The following SCUBE1 variants were observed in gnomAD, a reference collection of about 807,000 sequenced individuals.
The protein encoded by SCUBE1 is signal peptide, CUB domain and EGF like domain containing 1.
In SCUBE1, 59 loss-of-function variants were observed where a neutral mutation model predicts 124.4. That is an observed-to-expected ratio of 0.47 (90% confidence interval 0.38 to 0.59). The LOEUF is 0.59. SCUBE1 is among the 20% of genes least tolerant of loss of function. The probability of loss-of-function intolerance (pLI) is 0.00; values close to 1 mark genes in which losing one functional copy is unlikely to be tolerated. For missense variants in SCUBE1, 1,150 were observed against 1,371.2 expected (o/e 0.84, Z 2.55); for synonymous variants, 545 against 550.9 (o/e 0.99, Z 0.15).
Position 43,220,527 on chromosome 22 carries a change from C to A in SCUBE1, c.1610G>T (p.Gly537Val), listed in dbSNP as rs200425457. The A allele has an allele frequency of 2.5e-4, 410 of 1,614,122 alleles. No homozygotes were observed. The highest frequency in any genetic ancestry group is 3.3e-4 in the Non-Finnish European group (392 of 1,180,016). The change falls in exon 14 of 22, where the codon GGC becomes GTC. Residue 537 changes from glycine to valine, a missense_variant. Transcript: ENST00000360835. ...KCDSSKKRRRGRKSPSKEVSH... is the reference protein window; with the variant it reads ...KCDSSKKRRRVRKSPSKEVSH... ...CACCTCCTTGGATGGGGACTTGCGG[C>A]CACGGCGCCTCTTCTTGGAGGAGTC...
At chr22:43,329,868 A>G (rs531838698) in intron 2 of SCUBE1, among the ~76,000 whole-genome samples, 4 of 152,322 alleles carry the variant, frequency 2.6e-5, no homozygotes, top group African/African-American at 4.8e-5. Flanking sequence ...TTTCTTAGAA[A>G]TAATGGTTTT....
intron 3 of SCUBE1, among the ~76,000 whole-genome samples, chr22:43,295,099 C>T (rs1423728128): frequency 3.9e-5 from 6 of 152,168 alleles, no homozygotes; most frequent in East Asian, 1.9e-4. Flanking sequence ...CCTCTCCTCC[C>T]GCAGGATTCA....
intron 2 of SCUBE1, among the ~76,000 whole-genome samples, chr22:43,328,389 C>T (rs148959203): frequency 6.6e-6 from 1 of 152,302 alleles, no homozygotes; most frequent in African/African-American, 2.4e-5. Flanking sequence ...CAGTCATTCC[C>T]CCATCCCCTT....
intron 3 of SCUBE1, among the ~76,000 whole-genome samples, chr22:43,300,486 T>C (rs1468511362): frequency 6.6e-6 from 1 of 152,030 alleles, no homozygotes; most frequent in Non-Finnish European, 1.5e-5. Flanking sequence ...CTATGCTGTC[T>C]GTGGGGAGAC....
At chr22:43,271,959 G>A (rs368021989) in intron 4 of SCUBE1, among the ~76,000 whole-genome samples, 122 of 152,180 alleles carry the variant, frequency 8.0e-4, no homozygotes, top group African/African-American at 2.5e-3. Flanking sequence ...GAGACTTGCC[G>A]CCCCAGGTCT....
At chr22:43,261,673 A>T (rs1444198416) in intron 5 of SCUBE1, among the ~76,000 whole-genome samples, 1 of 152,194 alleles carries the variant, frequency 6.6e-6, no homozygotes, top group Non-Finnish European at 1.5e-5. Context: ...TCTCATTTCC[A>T]CAGCTAGGGT....
chr22:43,256,295 AGAG>A (rs1601833907), intron 6 of SCUBE1, among the ~76,000 whole-genome samples: 1 of 152,226 alleles, frequency 6.6e-6, no homozygotes, highest in Non-Finnish European at 1.5e-5. Context: ...AGGAGCATGC[AGAG>A]GAGAAGTGGC....
rs780187827 is a variant in SCUBE1, at chr22:43,210,070, C to T, written c.2554G>A (p.Gly852Ser). The change falls in exon 19 of 22, where the codon GGC (glycine) becomes AGC (serine). Residue 852 changes from glycine (G) to serine (S), a missense_variant. Physicochemically the swap from Gly to Ser is moderately conservative, Grantham distance 56. Around this residue, in one of 3 missense-constraint regions of SCUBE1, gnomAD observed 757 missense variants for 840.9 expected, o/e 0.90. Transcript: ENST00000360835. The surrounding 1 kb of genome is among the most constrained non-coding windows in gnomAD (Gnocchi z 4.5). ...CTCTTCCTCATGACCAGAACATCGC[C>T]GCACTCATCCTCGATGGGCAGGAAG... ...EIFLPIEDEC[G>S]DVLVMRKSAS... 2.8e-5 allele frequency: 45 copies of T among 1,611,976 alleles called. No homozygotes were observed. The highest frequency in any genetic ancestry group is 3.3e-4 in the Middle Eastern group (2 of 6,076).
intron 12 of SCUBE1, among the ~76,000 whole-genome samples, chr22:43,221,833 GCAGGCGGAT>G (rs1309999993): frequency 2.0e-5 from 3 of 152,186 alleles, no homozygotes; most frequent in Non-Finnish European, 4.4e-5. Context: ...GGAGGCCGAG[GCAGGCGGAT>G]CACTTGAGGT....
chr22:43,250,509 C>T (rs1164568173), intron 6 of SCUBE1, among the ~76,000 whole-genome samples: 1 of 152,212 alleles, frequency 6.6e-6, no homozygotes, highest in Admixed American at 6.5e-5. Context: ...TCACTCCTGG[C>T]CAGATCCAGA....
At chr22:43,287,387 C>T (rs940654636) in intron 4 of SCUBE1, among the ~76,000 whole-genome samples, 3 of 152,258 alleles carry the variant, frequency 2.0e-5, no homozygotes, top group African/African-American at 4.8e-5. Context: ...GCCCTTTTTA[C>T]AGCTGAAAAG....
chr22:43,308,917 A>G (rs1293174533), intron 3 of SCUBE1, among the ~76,000 whole-genome samples: 12 of 152,256 alleles, frequency 7.9e-5, no homozygotes, highest in Non-Finnish European at 1.3e-4. Context: ...AAGTTACAAA[A>G]TAAGAACACA....
intron 3 of SCUBE1, among the ~76,000 whole-genome samples, chr22:43,302,430 C>CT (rs1296792255): frequency 6.6e-6 from 1 of 152,222 alleles, no homozygotes; most frequent in Non-Finnish European, 1.5e-5. Flanking sequence ...ATTTCACTCA[C>CT]TTTGCTAGAC....
At position 43,298,869 on chromosome 22, in the gene SCUBE1, G is replaced by A. The variant is rs1168794092; in HGVS notation, c.350-7689C>T. ...AGATCAAGACCATCCTGGCTAACAC[G>A]GTGAAACCCTGTCTCTACTAAAAAT... On this transcript the variant is annotated intron_variant, in intron 3 of 21. Transcript: ENST00000360835. Among the ~76,000 whole-genome samples, 24 of 152,068 alleles carry A rather than the reference G, an allele frequency of 1.6e-4. No individual in the cohort carries two copies. The East Asian group carries it at 3.3e-3, about 21-fold the overall frequency.
In SCUBE1 at chr22:43,255,991, G is replaced by A. The variant is rs1229379608; in HGVS notation, c.727+2228C>T. ...AGACCCCCGTGGCTCAGGCTGGAGAGGCAGGCACAGGACAAGGCACAGGAC... is the reference window on the plus strand; with the variant it reads ...AGACCCCCGTGGCTCAGGCTGGAGAAGCAGGCACAGGACAAGGCACAGGAC... On this transcript the variant is annotated intron_variant, in intron 6 of 21. Coordinates refer to ENST00000360835, the MANE Select transcript of SCUBE1 (RefSeq NM_173050.5). This position sits in a 1 kb window ranked among gnomAD's most constrained non-coding sequence, Gnocchi z 4.7. Among the ~76,000 whole-genome samples, 1 of 152,210 alleles carries A rather than the reference G, an allele frequency of 6.6e-6. No homozygotes were observed. The highest frequency in any genetic ancestry group is 1.9e-4 in the East Asian group (1 of 5,188).
At chr22:43,320,107 G>A (rs1246565425) in intron 2 of SCUBE1, 42 bp from the exon 3 acceptor site, 6 of 1,611,106 alleles carry the variant, frequency 3.7e-6, no homozygotes, top group Non-Finnish European at 5.1e-6. Flanking sequence ...AGAAGAGCCT[G>A]GTGGTCCCCT....
At chr22:43,317,432 G>A (rs1162430829) in intron 3 of SCUBE1, among the ~76,000 whole-genome samples, 1 of 152,170 alleles carries the variant, frequency 6.6e-6, no homozygotes, top group African/African-American at 2.4e-5. Context: ...CCTGTGCCGA[G>A]CCTTTTTCTC....
At chr22:43,256,911 C>A (rs968522208) in intron 6 of SCUBE1, among the ~76,000 whole-genome samples, 2 of 152,166 alleles carry the variant, frequency 1.3e-5, no homozygotes, top group East Asian at 1.9e-4. Flanking sequence ...GCTTTTAATT[C>A]TTTTTTAATT....
At chr22:43,275,016 G>A (rs1924445878) in intron 4 of SCUBE1, among the ~76,000 whole-genome samples, 1 of 152,222 alleles carries the variant, frequency 6.6e-6, no homozygotes. Flanking sequence ...ACTTGTCGCT[G>A]CACTCAACAG....
Sources: gnomAD v4.1 joint callset for allele counts (sites outside exome capture counted in the v4.1 genomes callset) on GRCh38, gnomAD v4.1.1 for gene constraint, gnomAD v4.1.1 regional missense constraint, Gnocchi (gnomAD v3.1) non-coding constraint, MANE v1.5 for transcripts, NCBI Gene and HGNC (gene_info 2026-07-23, HGNC 2026-07-21) for gene names.